The following ZBTB41 variants were observed in gnomAD, a reference collection of about 807,000 sequenced individuals.
ZBTB41 encodes zinc finger and BTB domain containing 41.
Under a neutral mutation model 87.6 loss-of-function variants are expected in ZBTB41, and 42 were observed. The ratio of observed to expected loss-of-function variants is 0.48; its 90% confidence interval spans 0.37 to 0.62. The LOEUF is 0.62. Among genes scored for constraint, ZBTB41 ranks in the 20% least tolerant of loss-of-function variants. ZBTB41 has a pLI of 0.00. For synonymous variants in ZBTB41, 364 were observed against 364.0 expected (o/e 1.00, Z 0.00); for missense variants, 799 against 1,078.9 (o/e 0.74, Z 3.63).
intron 5 of ZBTB41, among the ~76,000 whole-genome samples, chr1:197,182,175 C>G (rs1298660981): frequency 6.6e-6 from 1 of 152,034 alleles, no homozygotes; most frequent in South Asian, 2.1e-4. Flanking sequence ...GGTTATTATG[C>G]AAAATGTGTG....
chr1:197,188,934 T>C (rs189781463), intron 4 of ZBTB41, among the ~76,000 whole-genome samples: 41 of 152,296 alleles, frequency 2.7e-4, no homozygotes, highest in Admixed American at 5.9e-4. Context: ...AATAATGACA[T>C]AGCACATATT....
At chr1:197,165,682 CAT>C (rs1212368981) in intron 10 of ZBTB41, among the ~76,000 whole-genome samples, 1 of 151,284 alleles carries the variant, frequency 6.6e-6, no homozygotes, top group African/African-American at 2.4e-5. Flanking sequence ...TAGAGGATAA[CAT>C]GGCTTTAAAA....
rs1366247708 is a variant in ZBTB41 at position 197,199,957 on chromosome 1, A to T, written c.517T>A (p.Leu173Met). ...GGGGCAACATTTTCGTTATTTAACA[A>T]CTTCACTGCATCTATAATGTCCAAA... is the stretch of plus-strand genomic sequence containing the variant. Reference protein sequence around the residue: ...KFLDIIDAVKLLNNENVAPFH... With the variant: ...KFLDIIDAVKMLNNENVAPFH... The change falls in exon 2 of 11, where the codon TTG (leucine) becomes ATG (methionine). Residue 173 changes from leucine to methionine, a missense_variant. Coordinates refer to ENST00000367405, the MANE Select transcript of ZBTB41 (RefSeq NM_194314.3). 1.2e-6 allele frequency: 2 copies of T among 1,613,298 alleles called. No homozygotes were observed. Among genetic ancestry groups the T allele is most frequent in the Non-Finnish European group, 1.7e-6 (2 of 1,179,714 alleles).
At chr1:197,168,306 C>T (rs1194898228) in intron 10 of ZBTB41, among the ~76,000 whole-genome samples, 1 of 151,934 alleles carries the variant, frequency 6.6e-6, no homozygotes, top group East Asian at 1.9e-4. Context: ...TAAAAAAAAT[C>T]AGTTAAGGAA....
rs758363646 is a variant in ZBTB41, at chr1:197,181,139, T to G, written c.1547-22A>C. ...GGACCTAAAAAGGAAAAAAAAAAAG[T>G]GTGCATTTAAAGTTTAAAGAGGAGA... On this transcript the variant is annotated intron_variant, in intron 5 of 10. Coordinates refer to ENST00000367405, the MANE Select transcript of ZBTB41 (RefSeq NM_194314.3). 5 of 1,547,002 alleles carry G rather than the reference T, an allele frequency of 3.2e-6. No individual in the cohort carries two copies. The African/African-American group carries it at 5.6e-5, about 17-fold the overall frequency.
chr1:197,172,124 T>C (rs1180898290), intron 10 of ZBTB41, 36 bp downstream of exon 10: 1 of 837,234 alleles, frequency 1.2e-6, no homozygotes, highest in Non-Finnish European at 1.7e-6. Flanking sequence ...TCTCTCTCTA[T>C]ATATATATAT....
chr1:197,160,208 G>T (rs1303359957), intron 10 of ZBTB41, among the ~76,000 whole-genome samples, 194 bp from the exon 11 acceptor site: 1 of 152,002 alleles, frequency 6.6e-6, no homozygotes, highest in African/African-American at 2.4e-5. Flanking sequence ...AAAAGATCTG[G>T]GTTTGAATTC....
In ZBTB41 at chr1:197,154,277, T is replaced by C. The variant is rs1325213302; in HGVS notation, c.*5082A>G. The C allele has an allele frequency of 6.6e-6, 1 of 152,528 alleles. No homozygotes were observed. Among genetic ancestry groups the C allele is most frequent in the Non-Finnish European group, 1.5e-5 (1 of 67,972 alleles). 9.4% of individuals were successfully genotyped at this position (152,528 alleles called of 1,614,324 possible). On this transcript the variant is annotated 3_prime_UTR_variant, in exon 11 of 11. Coordinates refer to ENST00000367405, the MANE Select transcript of ZBTB41 (RefSeq NM_194314.3). Reference sequence around the variant, plus strand: ...AGAATCTCCAACAGCAATGCAAGCATTGATTACTTTTCTTTACCTAAGAAT... The same window carrying C: ...AGAATCTCCAACAGCAATGCAAGCACTGATTACTTTTCTTTACCTAAGAAT...
At chr1:197,196,465 CATTATCAT>C (rs1243488297) in intron 2 of ZBTB41, among the ~76,000 whole-genome samples, 4 of 152,286 alleles carry the variant, frequency 2.6e-5, no homozygotes, top group South Asian at 2.1e-4. Flanking sequence ...GTCTAAGCTA[CATTATCAT>C]TCTGGTCCTT....
chr1:197,160,148 A>G, intron 10 of ZBTB41, 134 bp from the exon 11 acceptor site: 1 of 658,082 alleles, frequency 1.5e-6, no homozygotes, highest in Non-Finnish European at 2.6e-6. Flanking sequence ...ATACTATCAC[A>G]AAATGCAGAC....
Position 197,199,372 on chromosome 1 carries a change from TATCAC to T in ZBTB41, c.1097_1101del (p.Cys366Ter). On this transcript the variant is annotated frameshift_variant, in exon 2 of 11. Transcript: ENST00000367405. LOFTEE classifies it high-confidence loss of function. ...TTCTTACCTATTCGGTCAAATGTTTTATCACATTTAGGACACTGCAATATTTTTTT... is the reference window on the plus strand; with the variant it reads ...TTCTTACCTATTCGGTCAAATGTTTTATTTAGGACACTGCAATATTTTTTT... 6.6e-7 allele frequency: 1 copy of T among 1,519,888 alleles called. No homozygotes were observed. The highest frequency in any genetic ancestry group is 8.8e-7 in the Non-Finnish European group (1 of 1,141,860). The allele number at this position is 1,519,888 out of a possible 1,614,324, so 94.2% of individuals were successfully genotyped here.
intron 8 of ZBTB41, 75 bp from the exon 9 acceptor site, chr1:197,175,190 C>T (rs1659573250): frequency 8.1e-7 from 1 of 1,230,028 alleles, no homozygotes; most frequent in Non-Finnish European, 1.1e-6. Flanking sequence ...AACTATCAAA[C>T]AGTAAGATCA....
chr1:197,177,938 T>C (rs1420879310), intron 7 of ZBTB41, among the ~76,000 whole-genome samples: 2 of 152,196 alleles, frequency 1.3e-5, no homozygotes, highest in East Asian at 1.9e-4. Flanking sequence ...ATATTATTTA[T>C]TTAGAAAAAA....
rs1557970728 is a variant in ZBTB41 at position 197,153,801 on chromosome 1, A to G, written c.*5558T>C. On this transcript the variant is annotated 3_prime_UTR_variant, in exon 11 of 11. Transcript: ENST00000367405. Reference sequence around the variant, plus strand: ...TGAAATTTTCTATAAAGACATTTATACTTAGGAAACATCAGACAACCAAAG... The same window carrying G: ...TGAAATTTTCTATAAAGACATTTATGCTTAGGAAACATCAGACAACCAAAG... The G allele has an allele frequency of 1.3e-5, 2 of 152,198 alleles. No individual in the cohort carries two copies. The highest frequency in any genetic ancestry group is 2.9e-5 in the Non-Finnish European group (2 of 68,010). 9.4% of individuals were successfully genotyped at this position (152,198 alleles called of 1,614,324 possible).
At chr1:197,164,901 A>AATATATT (rs1553230014) in intron 10 of ZBTB41, among the ~76,000 whole-genome samples, 2 of 32,584 alleles carry the variant, frequency 6.1e-5, no homozygotes, top group Non-Finnish European at 1.6e-4. Flanking sequence ...ATACATATCT[A>AATATATT]ATATATTATA....
At chr1:197,164,053 CA>C in intron 10 of ZBTB41, among the ~76,000 whole-genome samples, 1 of 151,590 alleles carries the variant, frequency 6.6e-6, no homozygotes, top group East Asian at 1.9e-4. Context: ...ATATTTAAAA[CA>C]AAAAAGCGAT....
intron 3 of ZBTB41, 147 bp downstream of exon 3, chr1:197,191,545 A>G (rs1321120960): frequency 9.9e-6 from 6 of 609,036 alleles, no homozygotes; most frequent in Non-Finnish European, 1.5e-5. Flanking sequence ...AAACCCAAGA[A>G]AGAAAACAGG....
In ZBTB41 at chr1:197,180,976, A is replaced by G. The variant is rs1007313737; in HGVS notation, c.1676+12T>C. The G allele has an allele frequency of 1.3e-6, 2 of 1,584,654 alleles. No homozygotes were observed. Among genetic ancestry groups the G allele is most frequent in the East Asian group, 2.3e-5 (1 of 44,444 alleles). On this transcript the variant is annotated intron_variant, in intron 6 of 10. Transcript: ENST00000367405. ...TACTAGGATTTTTGTGGGTGTGCAGATAATTCTTCACCTTTCTCGTACTGA... is the reference window on the plus strand; with the variant it reads ...TACTAGGATTTTTGTGGGTGTGCAGGTAATTCTTCACCTTTCTCGTACTGA...
In ZBTB41 at chr1:197,182,461, T is replaced by C. The variant is rs530588711; in HGVS notation, c.1547-1344A>G. 1.3e-4 allele frequency among the ~76,000 whole-genome samples: 19 copies of C among 150,588 alleles called. 1 individual carries two copies. The highest frequency in any genetic ancestry group is 4.6e-4 in the African/African-American group (19 of 41,266). ...CTTTTATTTATTTATTTTTTCTATA[T>C]AGACAGTATCTCACTAGGTTGCCCA... On this transcript the variant is annotated intron_variant, in intron 5 of 10. Transcript: ENST00000367405.
Sources: gnomAD v4.1 joint callset for allele counts (sites outside exome capture counted in the v4.1 genomes callset) on GRCh38, gnomAD v4.1.1 for gene constraint, MANE v1.5 for transcripts, NCBI Gene and HGNC (gene_info 2026-07-23, HGNC 2026-07-21) for gene names.